Variants in TFRC observed in about 807,000 individuals in gnomAD.
The protein encoded by TFRC is transferrin receptor protein 1.
Under a neutral mutation model 85.8 loss-of-function variants are expected in TFRC, and 35 were observed. That is an observed-to-expected ratio of 0.41 (90% CI 0.31 to 0.54). The LOEUF (loss-of-function observed/expected upper bound fraction) is 0.54. Ranked by LOEUF, TFRC falls within the 20% of genes least tolerant of loss-of-function variation. The probability of loss-of-function intolerance (pLI) is 0.31; values close to 1 mark genes in which losing one functional copy is unlikely to be tolerated. For missense variants in TFRC, 828 were observed against 921.5 expected (o/e 0.90, Z 1.31); for synonymous variants, 362 against 328.6 (o/e 1.10, Z -1.10).
At position 196,072,066 on chromosome 3, in the gene TFRC, C is replaced by T. The variant is rs779563995; in HGVS notation, c.521G>A (p.Arg174His). 6.2e-6 allele frequency: 10 copies of T among 1,613,986 alleles called. No homozygotes were observed. Among genetic ancestry groups the T allele is most frequent in the African/African-American group, 5.3e-5 (4 of 74,898 alleles). The stretch of plus-strand genomic sequence containing the variant: ...CCAGACTTTGCTGAGTTTAAATTCA[C>T]GAAATTGATTTTCAACATACAACGC... ...NLALYVENQFREFKLSKVWRD... is the reference protein window; with the variant it reads ...NLALYVENQFHEFKLSKVWRD... Residue 174 changes from arginine (R) to histidine (H), a missense_variant, in exon 5 of 19, where the codon CGT becomes CAT. Arg to His is a conservative substitution (Grantham distance 29, BLOSUM62 0). Transcript: ENST00000360110.
chr3:196,069,567 C>T lies in TFRC; in HGVS notation c.689G>A (p.Gly230Asp), dbSNP rs1337326185. Residue 230 changes from glycine (G) to aspartate (D), a missense_variant and splice_region_variant, in exon 7 of 19, where the codon GGT (glycine) becomes GAT (aspartate). Gly to Asp is a moderately conservative substitution (Grantham distance 94). Transcript: ENST00000360110. ...ACCAAAATTAGCATGGACCAGTTTACCCTAGAACAAAGACATTAGATTTAA... is the reference window on the plus strand; with the variant it reads ...ACCAAAATTAGCATGGACCAGTTTATCCTAGAACAAAGACATTAGATTTAA... The part of the protein sequence containing the change: ...VAYSKAATVT[G>D]KLVHANFGTK... The T allele has an allele frequency of 6.4e-7, 1 of 1,569,422 alleles. No individual in the cohort carries two copies. Among genetic ancestry groups the T allele is most frequent in the Non-Finnish European group, 8.8e-7 (1 of 1,140,608 alleles).
Position 196,067,593 on chromosome 3 carries a change from G to T in TFRC, c.965C>A (p.Pro322Gln). 1 of 1,614,154 alleles carries T rather than the reference G, an allele frequency of 6.2e-7. No homozygotes were observed. Among genetic ancestry groups the T allele is most frequent in the Non-Finnish European group, 8.5e-7 (1 of 1,180,020 alleles). ...AGGCAATCCTGATGACCGAGATGGT[G>T]GAAACTGAGTGTGATTGAAGGAAGG... Reference protein sequence around the residue: ...GFPSFNHTQFPPSRSSGLPNI... With the variant: ...GFPSFNHTQFQPSRSSGLPNI... Residue 322 changes from proline (P) to glutamine (Q), a missense_variant, in exon 9 of 19, where the codon CCA becomes CAA. By Grantham distance (76) the Pro-to-Gln change is moderately conservative. Transcript: ENST00000360110.
chr3:196,071,269 T>A (rs534295969), intron 6 of TFRC, 127 bp downstream of exon 6: 1 of 858,824 alleles, frequency 1.2e-6, no homozygotes, highest in Middle Eastern at 2.3e-4. Flanking sequence ...CATTAGAGGG[T>A]TGAAAACCAA....
intron 2 of TFRC, among the ~76,000 whole-genome samples, chr3:196,076,249 CT>C (rs1266611833): frequency 2.6e-5 from 4 of 152,056 alleles, no homozygotes; most frequent in African/African-American, 9.7e-5. Flanking sequence ...GCCTGGATGG[CT>C]GTTTTTTTTG....
chr3:196,068,211 G>T (rs1363393607), intron 7 of TFRC, 81 bp from the exon 8 acceptor site: 1 of 958,974 alleles, frequency 1.0e-6, no homozygotes, highest in Non-Finnish European at 1.6e-6. Flanking sequence ...TATGCTAAAG[G>T]CCAAATGGTT....
Position 196,065,998 on chromosome 3 carries a change from AC to A in TFRC, c.1041-399del, listed in dbSNP as rs1162830805. Among the ~76,000 whole-genome samples, 813 of 150,016 alleles carry A rather than the reference AC, an allele frequency of 5.4e-3. 7 individuals are homozygous for A. The highest frequency in any genetic ancestry group is 9.5e-3 in the Non-Finnish European group (640 of 67,288). ...AGCACAAGTCCTGTCTCAAAAAAAA[AC>A]AAAACAAAACAAAACAAAATAAAAA... On this transcript the variant is annotated intron_variant, in intron 9 of 18. Coordinates refer to ENST00000360110, the MANE Select transcript of TFRC (RefSeq NM_001128148.3).
In TFRC at chr3:196,065,216, C is replaced by A. The variant is rs6770172; in HGVS notation, c.1198+227G>T. ...GGCGGAAATTGCAGTGAGCCGAGAT[C>A]ACACCACTGCACTCCAGCCTGGGCA... On this transcript the variant is annotated intron_variant, in intron 10 of 18. Coordinates refer to ENST00000360110, the MANE Select transcript of TFRC (RefSeq NM_001128148.3). 9.2e-3 allele frequency among the ~76,000 whole-genome samples: 1,382 copies of A among 149,772 alleles called. 26 individuals are homozygous for A. The highest frequency in any genetic ancestry group is 0.033 in the African/African-American group (1,326 of 40,634).
rs1553794885 is a variant in TFRC at position 196,060,825 on chromosome 3, AAT to A, written c.1469-580_1469-579del. On this transcript the variant is annotated intron_variant, in intron 13 of 18. Coordinates refer to ENST00000360110, the MANE Select transcript of TFRC (RefSeq NM_001128148.3). ...AAAAAAAAAAAAAAAAAAAAAAAAA[AAT>A]CAGACCAGTTTTAGGTTCAGCAGCA... 2.1e-4 allele frequency among the ~76,000 whole-genome samples: 30 copies of A among 141,132 alleles called. No individual in the cohort carries two copies. The East Asian group carries it at 5.1e-3, about 24-fold the overall frequency. The allele number at this position is 141,132 out of a possible 152,430, so 92.6% of individuals were successfully genotyped here.
At position 196,051,801 on chromosome 3, in the gene TFRC, TA is replaced by T; in HGVS notation, c.*140del. ...CTACCCTGTATTAAAAGCTGCTGCC[TA>T]AAGACATCTAGTAGTACCAAGATGA... On this transcript the variant is annotated 3_prime_UTR_variant, in exon 19 of 19. Coordinates refer to ENST00000360110, the MANE Select transcript of TFRC (RefSeq NM_001128148.3). The T allele has an allele frequency of 1.0e-6, 1 of 988,816 alleles. No individual in the cohort carries two copies. The highest frequency in any genetic ancestry group is 1.5e-6 in the Non-Finnish European group (1 of 672,562). The allele number at this position is 988,816 out of a possible 1,614,324, so 61.3% of individuals were successfully genotyped here.
chr3:196,051,861 C>A lies in TFRC; in HGVS notation c.*81G>T. 1 of 1,513,136 alleles carries A rather than the reference C, an allele frequency of 6.6e-7. No homozygotes were observed. The allele number at this position is 1,513,136 out of a possible 1,614,324, so 93.7% of individuals were successfully genotyped here. A position where few individuals can be genotyped will look rare whatever the true frequency, so the allele number is the denominator to read the frequency against. On this transcript the variant is annotated 3_prime_UTR_variant, in exon 19 of 19. Transcript: ENST00000360110. ...AATTTTAACATCAGGTTTTGTAGCC[C>A]TACTGAAAATTTAGCACGATCAGCA...
chr3:196,068,213 C>A, intron 7 of TFRC, 83 bp from the exon 8 acceptor site: 1 of 906,018 alleles, frequency 1.1e-6, no homozygotes, highest in Non-Finnish European at 1.7e-6. Context: ...TGCTAAAGGC[C>A]AAATGGTTAC....
chr3:196,067,836 A>T (rs906478584), intron 8 of TFRC, among the ~76,000 whole-genome samples, 179 bp from the exon 9 acceptor site: 2 of 152,242 alleles, frequency 1.3e-5, no homozygotes, highest in African/African-American at 4.8e-5. Flanking sequence ...CTCAAATTCA[A>T]GGCACTATTG....
Position 196,072,031 on chromosome 3 carries a change from G to A in TFRC, c.556C>T (p.His186Tyr). 1 of 1,613,490 alleles carries A rather than the reference G, an allele frequency of 6.2e-7. No homozygotes were observed. Among genetic ancestry groups the A allele is most frequent in the Non-Finnish European group, 8.5e-7 (1 of 1,179,854 alleles). ...TCTTTGACCTGAATCTTAACAAAAT[G>A]TTGATCACGCCAGACTTTGCTGAGT... is the stretch of plus-strand genomic sequence containing the variant. ...FKLSKVWRDQ[H>Y]FVKIQVKDSA... The change falls in exon 5 of 19, where the codon CAT (histidine) becomes TAT (tyrosine). Residue 186 changes from histidine to tyrosine, a missense_variant. Transcript: ENST00000360110.
chr3:196,070,738 C>T (rs1227948130), intron 6 of TFRC, among the ~76,000 whole-genome samples: 1 of 148,734 alleles, frequency 6.7e-6, no homozygotes, highest in South Asian at 2.1e-4. Flanking sequence ...CAATTGAAGA[C>T]CAGCCTGGCC....
chr3:196,064,433 A>C lies in TFRC; in HGVS notation c.1199-5T>G, dbSNP rs758493267. The C allele has an allele frequency of 2.7e-5, 42 of 1,572,782 alleles. No homozygotes were observed. The highest frequency in any genetic ancestry group is 3.6e-5 in the Non-Finnish European group (42 of 1,168,298). The stretch of plus-strand genomic sequence containing the variant: ...CCCCAACTACAACATAGTGATCTTT[A>C]AAAAAGAAAAAAGAGGAAGAAAGAA... On this transcript the variant is annotated splice_polypyrimidine_tract_variant and splice_region_variant and intron_variant, in intron 10 of 18. Transcript: ENST00000360110.
rs1203397012 is a variant in TFRC at position 196,064,363 on chromosome 3, C to T, written c.1264G>A (p.Gly422Ser). The stretch of plus-strand genomic sequence containing the variant: ...GCAAGTTTCAATAGGAGAGCTGTGC[C>T]TACACCGGATTTTGCAGCTCCAGGG... Reference protein sequence around the residue: ...WGPGAAKSGVGTALLLKLAQM... With the variant: ...WGPGAAKSGVSTALLLKLAQM... Residue 422 changes from glycine (G) to serine (S), a missense_variant, in exon 11 of 19, where the codon GGC becomes AGC. Gly to Ser is a moderately conservative substitution (Grantham distance 56, BLOSUM62 0). Transcript: ENST00000360110. 1 of 1,613,664 alleles carries T rather than the reference C, an allele frequency of 6.2e-7. No homozygotes were observed. The highest frequency in any genetic ancestry group is 1.3e-5 in the African/African-American group (1 of 74,862).
At chr3:196,062,708 TA>T (rs1717386705) in intron 12 of TFRC, 63 bp from the exon 13 acceptor site, 1 of 1,557,706 alleles carries the variant, frequency 6.4e-7, no homozygotes, top group African/African-American at 1.4e-5. Flanking sequence ...ACAGTAGCAT[TA>T]GGGATTCATT....
At chr3:196,070,807 T>TAATAATAAA (rs978226944) in intron 6 of TFRC, among the ~76,000 whole-genome samples, 23 of 144,588 alleles carry the variant, frequency 1.6e-4, no homozygotes, top group South Asian at 1.3e-3. Flanking sequence ...ATAATAATAA[T>TAATAATAAA]AAAATAAAAA....
At position 196,077,227 on chromosome 3, in the gene TFRC, T is replaced by C. The variant is rs780332372; in HGVS notation, c.-23-105A>G. ...TACATTAAATTTTTAAAATACATTA[T>C]CACTTTTCTAGAAAAGGTATTTAAC... On this transcript the variant is annotated intron_variant, in intron 1 of 18. Coordinates refer to ENST00000360110, the MANE Select transcript of TFRC (RefSeq NM_001128148.3). 4.9e-5 allele frequency: 36 copies of C among 741,088 alleles called. No individual in the cohort carries two copies. The East Asian group carries it at 8.5e-4, about 17-fold the overall frequency. The allele number at this position is 741,088 out of a possible 1,614,324, so 45.9% of individuals were successfully genotyped here.
Sources: gnomAD v4.1 joint callset for allele counts (sites outside exome capture counted in the v4.1 genomes callset) on GRCh38, gnomAD v4.1.1 for gene constraint, MANE v1.5 for transcripts, NCBI Gene and HGNC (gene_info 2026-07-23, HGNC 2026-07-21) for gene names.